Variants in ZC3H12B observed in about 807,000 individuals in gnomAD.
ZC3H12B encodes the protein probable ribonuclease ZC3H12B.
ZC3H12B carries 7 observed loss-of-function variants against 43.9 expected under a neutral mutation model. The observed-to-expected ratio is 0.16, with a 90% confidence interval of 0.09 to 0.30. The LOEUF (loss-of-function observed/expected upper bound fraction) is 0.30. Ranked by LOEUF, ZC3H12B falls within the 10% of genes least tolerant of loss-of-function variation. ZC3H12B has a pLI of 1.00. For missense variants in ZC3H12B, 475 were observed against 670.2 expected, an observed-to-expected ratio of 0.71 and a Z score of 3.22; for synonymous variants, 222 against 241.7, an observed-to-expected ratio of 0.92 and a Z score of 0.76.
At chrX:65,467,087 C>T (rs1037370880) in intron 3 of ZC3H12B, among the ~76,000 whole-genome samples, 1 of 102,433 alleles carries the variant, frequency 9.8e-6, no homozygotes, top group Non-Finnish European at 2.0e-5. Flanking sequence ...AATAGTTTCT[C>T]ATCACTAACC....
At chrX:65,215,467 A>C in the ZC3H12B span, among the ~76,000 whole-genome samples, 1 of 110,522 alleles carries the variant, frequency 9.0e-6, no homozygotes, top group Non-Finnish European at 1.9e-5. Context: ...CTTCAACTTC[A>C]TGAATCAACT....
chrX:65,245,601 T>A, the ZC3H12B span, among the ~76,000 whole-genome samples: 2 of 111,915 alleles, frequency 1.8e-5, no homozygotes, highest in Non-Finnish European at 3.8e-5. Context: ...CACATGATTA[T>A]CTCGATAGAT....
chrX:65,174,150 A>G, the ZC3H12B span, among the ~76,000 whole-genome samples: 1 of 111,221 alleles, frequency 9.0e-6, no homozygotes, highest in East Asian at 2.9e-4. Context: ...AATGCCAACC[A>G]GAGCTCTCCT....
At chrX:65,150,369 T>TA in the ZC3H12B span, among the ~76,000 whole-genome samples, 1 of 109,798 alleles carries the variant, frequency 9.1e-6, no homozygotes, top group African/African-American at 3.3e-5. Context: ...ATATTTCAGT[T>TA]TTTTTTTTAA....
intron 3 of ZC3H12B, among the ~76,000 whole-genome samples, chrX:65,412,478 A>G (rs969836917): frequency 7.2e-5 from 8 of 111,140 alleles, no homozygotes; most frequent in African/African-American, 2.3e-4. Flanking sequence ...TTTTTTTGGA[A>G]CAGGGCACAG....
chrX:65,253,014 T>C, the ZC3H12B span, among the ~76,000 whole-genome samples: 1,312 of 112,426 alleles, frequency 0.012, 13 homozygotes, highest in Non-Finnish European at 0.019. Context: ...GAAATTTTAA[T>C]TTTTGTAGCA....
intron 3 of ZC3H12B, among the ~76,000 whole-genome samples, chrX:65,447,706 T>C (rs2067397539): frequency 8.9e-6 from 1 of 111,788 alleles, no homozygotes; most frequent in Non-Finnish European, 1.9e-5. Flanking sequence ...GAAGGACTAA[T>C]ATCCAGAACT....
the ZC3H12B span, among the ~76,000 whole-genome samples, chrX:65,233,113 T>C: frequency 8.9e-6 from 1 of 112,102 alleles, no homozygotes; most frequent in Non-Finnish European, 1.9e-5. Flanking sequence ...TTATCTATGC[T>C]AAAGAGAGAG....
chrX:65,332,390 A>G, the ZC3H12B span, among the ~76,000 whole-genome samples: 1 of 112,059 alleles, frequency 8.9e-6, no homozygotes, highest in Admixed American at 9.5e-5. Flanking sequence ...TCAATTTAAG[A>G]AAACATTCAG....
chrX:65,205,213 C>T, the ZC3H12B span, among the ~76,000 whole-genome samples: 1 of 111,686 alleles, frequency 9.0e-6, no homozygotes, highest in Admixed American at 9.6e-5. Flanking sequence ...CATTAACATT[C>T]TTTAACGCTA....
the ZC3H12B span, among the ~76,000 whole-genome samples, chrX:65,344,311 T>C: frequency 9.0e-6 from 1 of 111,690 alleles, no homozygotes; most frequent in African/African-American, 3.2e-5. Context: ...ACATTCTTCA[T>C]AGAACTATAA....
chrX:65,145,302 T>C, the ZC3H12B span, among the ~76,000 whole-genome samples: 1 of 110,072 alleles, frequency 9.1e-6, no homozygotes. Flanking sequence ...CTGCTCACTT[T>C]TGATGTCCTC....
chrX:65,326,765 C>A, the ZC3H12B span, among the ~76,000 whole-genome samples: 1 of 111,133 alleles, frequency 9.0e-6, no homozygotes, highest in Admixed American at 9.6e-5. Flanking sequence ...TAAATAATCA[C>A]ATTAACTTCA....
the ZC3H12B span, among the ~76,000 whole-genome samples, chrX:65,218,602 C>G: frequency 9.0e-6 from 1 of 110,605 alleles, no homozygotes; most frequent in Non-Finnish European, 1.9e-5. Flanking sequence ...CATAATCTTC[C>G]TGGAAACATA....
chrX:65,161,604 C>G, the ZC3H12B span, among the ~76,000 whole-genome samples: 3 of 110,724 alleles, frequency 2.7e-5, no homozygotes, highest in East Asian at 2.8e-4. Flanking sequence ...TTTTTGTTTT[C>G]CATTTGCTTG....
At chrX:65,383,418 G>T (rs2066473052) in intron 2 of ZC3H12B, among the ~76,000 whole-genome samples, 1 of 110,257 alleles carries the variant, frequency 9.1e-6, no homozygotes, top group Non-Finnish European at 1.9e-5. Context: ...AGCTGAAACT[G>T]GATCCCTTCC....
chrX:65,203,230 A>G, the ZC3H12B span, among the ~76,000 whole-genome samples: 1 of 111,701 alleles, frequency 9.0e-6, no homozygotes, highest in Non-Finnish European at 1.9e-5. Flanking sequence ...CAGCTCTTCC[A>G]CCTCTGGTAC....
the ZC3H12B span, among the ~76,000 whole-genome samples, chrX:65,135,763 T>C: frequency 5.5e-5 from 6 of 108,529 alleles, no homozygotes; most frequent in East Asian, 1.7e-3. Context: ...TTTTTTTTTT[T>C]TTTGAGTAAT....
At chrX:65,347,559 T>C in the ZC3H12B span, among the ~76,000 whole-genome samples, 1 of 111,739 alleles carries the variant, frequency 8.9e-6, no homozygotes, top group Admixed American at 9.5e-5. Context: ...CCAGTTAGAA[T>C]GGTGATCATT....
Sources: gnomAD v4.1 joint callset for allele counts (sites outside exome capture counted in the v4.1 genomes callset) on GRCh38, gnomAD v4.1.1 for gene constraint, MANE v1.5 for transcripts, NCBI Gene and HGNC (gene_info 2026-07-23, HGNC 2026-07-21) for gene names.